The following PEPD variants were observed in gnomAD, a reference collection of about 807,000 sequenced individuals.
PEPD encodes xaa-Pro dipeptidase.
In PEPD, 53 loss-of-function variants were observed where a neutral mutation model predicts 60.7. The observed-to-expected ratio is 0.87, with a 90% CI of 0.70 to 1.10. PEPD has a LOEUF of 1.10. PEPD is among the 50% of genes least tolerant of loss of function. The probability of loss-of-function intolerance (pLI) is 0.00; values close to 1 mark genes in which losing one functional copy is unlikely to be tolerated. For synonymous variants in PEPD, 267 were observed against 284.1 expected (o/e 0.94, Z 0.60); for missense variants, 711 against 711.9 (o/e 1.00, Z 0.01).
At chr19:33,425,395 G>A (rs893216952) in intron 9 of PEPD, among the ~76,000 whole-genome samples, 6 of 152,166 alleles carry the variant, frequency 3.9e-5, no homozygotes, top group Non-Finnish European at 5.9e-5. Context: ...TCTAAGGAAC[G>A]CTGGCACCCT....
At chr19:33,415,302 G>A (rs1469363779) in intron 9 of PEPD, among the ~76,000 whole-genome samples, 1 of 152,206 alleles carries the variant, frequency 6.6e-6, no homozygotes, top group African/African-American at 2.4e-5. Context: ...CGCTGGGACT[G>A]GCCGGCTTCA....
At chr19:33,414,059 GC>G (rs1968837243) in intron 9 of PEPD, among the ~76,000 whole-genome samples, 2 of 152,206 alleles carry the variant, frequency 1.3e-5, no homozygotes, top group African/African-American at 4.8e-5. Context: ...GTGCCCAGAG[GC>G]CACCACCCAC....
intron 9 of PEPD, among the ~76,000 whole-genome samples, chr19:33,459,226 A>C (rs1367284320): frequency 6.6e-6 from 1 of 152,074 alleles, no homozygotes; most frequent in Non-Finnish European, 1.5e-5. Context: ...TCCCTTTCCC[A>C]TGATTCTCAT....
chr19:33,387,920 C>G lies in PEPD; in HGVS notation c.1314G>C (p.Glu438Asp). The G allele has an allele frequency of 6.3e-7, 1 of 1,589,410 alleles. No individual in the cohort carries two copies. The highest frequency in any genetic ancestry group is 1.1e-5 in the South Asian group (1 of 87,416). The part of the protein sequence containing the change: ...DPARASFLNR[E>D]VLQRFRGFGG... ...CAAAACCGCGAAAGCGCTGCAGGAC[C>G]TCGCGGTTAAGGAAGGAGGCGCGGG... Residue 438 changes from glutamate (E) to aspartate (D), a missense_variant, in exon 14 of 15, where the codon GAG becomes GAC. Glu to Asp is a conservative substitution (Grantham distance 45). Transcript: ENST00000244137.
At chr19:33,497,691 C>T (rs531139452) in intron 4 of PEPD, among the ~76,000 whole-genome samples, 2 of 152,322 alleles carry the variant, frequency 1.3e-5, no homozygotes, top group South Asian at 4.1e-4. Context: ...AGCCTGGGGA[C>T]CCCTTCCCTG....
At chr19:33,464,452 T>C (rs1219852336) in intron 7 of PEPD, among the ~76,000 whole-genome samples, 1 of 152,188 alleles carries the variant, frequency 6.6e-6, no homozygotes, top group Non-Finnish European at 1.5e-5. Flanking sequence ...GCCATAATCC[T>C]AAGCCTGCTG....
At chr19:33,406,497 C>T (rs946212456) in intron 11 of PEPD, among the ~76,000 whole-genome samples, 7 of 152,206 alleles carry the variant, frequency 4.6e-5, no homozygotes, top group Admixed American at 3.9e-4. Context: ...GCAGAGTGCT[C>T]AGGGCAGGGC....
At chr19:33,453,737 A>T (rs973851735) in intron 9 of PEPD, among the ~76,000 whole-genome samples, 2 of 152,236 alleles carry the variant, frequency 1.3e-5, no homozygotes, top group Non-Finnish European at 1.5e-5. Flanking sequence ...ATACCTGTAT[A>T]TCAATTCATT....
At chr19:33,510,523 A>T (rs1970903144) in intron 3 of PEPD, among the ~76,000 whole-genome samples, 1 of 152,278 alleles carries the variant, frequency 6.6e-6, no homozygotes, top group East Asian at 1.9e-4. Context: ...TGGCTCTCCC[A>T]CCCTAGTCTT....
At chr19:33,498,789 G>A (rs1057482815) in intron 4 of PEPD, among the ~76,000 whole-genome samples, 3 of 151,384 alleles carry the variant, frequency 2.0e-5, no homozygotes, top group African/African-American at 7.3e-5. Flanking sequence ...GGGTCCTGGA[G>A]GCAGGTGCCC....
chr19:33,428,510 C>T (rs1466610400), intron 9 of PEPD, among the ~76,000 whole-genome samples: 1 of 152,100 alleles, frequency 6.6e-6, no homozygotes, highest in Non-Finnish European at 1.5e-5. Flanking sequence ...AGCTGCTGCC[C>T]TTCAGGAGCT....
At chr19:33,493,880 T>TG (rs943267222) in intron 4 of PEPD, among the ~76,000 whole-genome samples, 1 of 145,618 alleles carries the variant, frequency 6.9e-6, no homozygotes, top group African/African-American at 2.5e-5. Flanking sequence ...CTCCTGCCAC[T>TG]GCAAGCCAGT....
At chr19:33,488,617 G>T (rs1970440065) in intron 6 of PEPD, among the ~76,000 whole-genome samples, 2 of 152,154 alleles carry the variant, frequency 1.3e-5, no homozygotes, top group Non-Finnish European at 2.9e-5. Context: ...TGGGAGGCGG[G>T]GCCGCTTTGG....
chr19:33,448,548 T>G (rs1301398027), intron 9 of PEPD, among the ~76,000 whole-genome samples: 1 of 152,030 alleles, frequency 6.6e-6, no homozygotes, highest in East Asian at 1.9e-4. Flanking sequence ...TCCCCAGAGC[T>G]CTCCTATTTT....
At chr19:33,394,946 T>C (rs1968327002) in intron 12 of PEPD, among the ~76,000 whole-genome samples, 1 of 152,130 alleles carries the variant, frequency 6.6e-6, no homozygotes, top group Non-Finnish European at 1.5e-5. Flanking sequence ...ACCCCTTGGA[T>C]GCCTGGGCCA....
intron 6 of PEPD, among the ~76,000 whole-genome samples, chr19:33,488,076 G>C (rs904369042): frequency 8.5e-5 from 13 of 152,072 alleles, no homozygotes; most frequent in African/African-American, 1.9e-4. Flanking sequence ...CGTGGTCCAG[G>C]GGGGCTCAGC....
chr19:33,444,791 C>T (rs1037281718), intron 9 of PEPD, among the ~76,000 whole-genome samples: 7 of 152,064 alleles, frequency 4.6e-5, no homozygotes, highest in Admixed American at 1.3e-4. Context: ...TCCTCTCTTA[C>T]CCGCCACACC....
At chr19:33,404,414 T>C (rs570408030) in intron 11 of PEPD, among the ~76,000 whole-genome samples, 6 of 152,152 alleles carry the variant, frequency 3.9e-5, no homozygotes, top group South Asian at 2.1e-4. Flanking sequence ...TACCGGACTG[T>C]GCTGACACAA....
chr19:33,510,441 G>A (rs1333639288), intron 3 of PEPD, among the ~76,000 whole-genome samples: 3 of 152,204 alleles, frequency 2.0e-5, no homozygotes, highest in Non-Finnish European at 4.4e-5. Flanking sequence ...TGGAAGGGGC[G>A]ATGTCTGATT....
Sources: allele counts gnomAD v4.1 joint callset (sites outside exome capture counted in the v4.1 genomes callset), GRCh38; gene constraint gnomAD v4.1.1; transcripts MANE v1.5; gene names NCBI Gene and HGNC (gene_info 2026-07-23, HGNC 2026-07-21).